RC3H1: variants seen among roughly 807,000 people sequenced by gnomAD.
RC3H1 encodes the protein ring finger and CCCH-type domains 1.
A neutral mutation model predicts 138.2 loss-of-function variants in RC3H1; 50 were observed. That is an observed-to-expected ratio of 0.36 (90% CI 0.29 to 0.46). The LOEUF (loss-of-function observed/expected upper bound fraction) is 0.46. Among genes scored for constraint, RC3H1 ranks in the 20% least tolerant of loss-of-function variants. The probability of loss-of-function intolerance (pLI) is 1.00; values close to 1 mark genes in which losing one functional copy is unlikely to be tolerated. For synonymous variants in RC3H1, 462 were observed against 489.1 expected (o/e 0.94, Z 0.73); for missense variants, 1,031 against 1,388.1 (o/e 0.74, Z 4.09).
At chr1:173,950,315 C>T (rs1357928130) in intron 14 of RC3H1, among the ~76,000 whole-genome samples, 3 of 150,462 alleles carry the variant, frequency 2.0e-5, no homozygotes, top group Admixed American at 6.7e-5. Context: ...CATACTGGCA[C>T]ACATCTGTAA....
At position 173,992,752 on chromosome 1, in the gene RC3H1, T is replaced by C. The variant is rs1207642434; in HGVS notation, c.231+3A>G. On this transcript the variant is annotated splice_donor_region_variant and intron_variant, in intron 2 of 19. Coordinates refer to ENST00000367696, the MANE Select transcript of RC3H1 (RefSeq NM_172071.4). ...TTTAAAAGTATTAAGTCACCCATCC[T>C]ACCTGAGCACCCACGAGCTGCAGCA... The C allele has an allele frequency of 6.2e-7, 1 of 1,608,132 alleles. No homozygotes were observed. The highest frequency in any genetic ancestry group is 8.5e-7 in the Non-Finnish European group (1 of 1,175,064).
intron 1 of RC3H1, among the ~76,000 whole-genome samples, chr1:174,007,751 T>A (rs1413530417): frequency 1.3e-5 from 2 of 152,162 alleles, no homozygotes; most frequent in Non-Finnish European, 2.9e-5. Context: ...AGCCACCGCG[T>A]CCGGCCCACA....
Position 173,993,005 on chromosome 1 carries a change from C to G in RC3H1, c.-20G>C, listed in dbSNP as rs1452129518. 7 of 1,531,112 alleles carry G rather than the reference C, an allele frequency of 4.6e-6. No homozygotes were observed. Among genetic ancestry groups the G allele is most frequent in the Non-Finnish European group, 6.3e-6 (7 of 1,105,294 alleles). 94.8% of individuals were successfully genotyped at this position (1,531,112 alleles called of 1,614,324 possible). ...AGGCATTGCTTCTGGAGTTACAATTCACGAACACAAACACACACACAAATC... is the reference window on the plus strand; with the variant it reads ...AGGCATTGCTTCTGGAGTTACAATTGACGAACACAAACACACACACAAATC... On this transcript the variant is annotated 5_prime_UTR_variant, in exon 2 of 20. Transcript: ENST00000367696.
intron 9 of RC3H1, among the ~76,000 whole-genome samples, chr1:173,968,793 TTATAA>T (rs1333052601): frequency 5.9e-5 from 9 of 152,194 alleles, no homozygotes; most frequent in East Asian, 5.8e-4. Flanking sequence ...GGCTTCTGAT[TTATAA>T]TATAATTTAT....
chr1:173,976,054 T>C (rs1419114020), intron 7 of RC3H1, among the ~76,000 whole-genome samples: 2 of 151,200 alleles, frequency 1.3e-5, no homozygotes, highest in African/African-American at 4.8e-5. Flanking sequence ...GATATGAAGA[T>C]GAGAAAGCAG....
At chr1:174,015,021 C>G (rs1661834187) in intron 1 of RC3H1, among the ~76,000 whole-genome samples, 1 of 152,150 alleles carries the variant, frequency 6.6e-6, no homozygotes, top group African/African-American at 2.4e-5. Flanking sequence ...ACTGCTGTCC[C>G]TATTTTAAAC....
At chr1:173,942,064 C>A (rs1658895190) in intron 18 of RC3H1, among the ~76,000 whole-genome samples, 3 of 151,100 alleles carry the variant, frequency 2.0e-5, no homozygotes, top group Admixed American at 2.0e-4. Context: ...CAAGGCGAAA[C>A]CCCGTCTCTA....
At chr1:174,007,472 G>T (rs1661676072) in intron 1 of RC3H1, among the ~76,000 whole-genome samples, 1 of 151,862 alleles carries the variant, frequency 6.6e-6, no homozygotes, top group Admixed American at 6.6e-5. Context: ...TTTTGTTGTT[G>T]TTGTTATTTG....
At chr1:173,972,434 AC>A (rs2102974012) in intron 8 of RC3H1, 74 bp downstream of exon 8, 1 of 954,440 alleles carries the variant, frequency 1.0e-6, no homozygotes, top group South Asian at 1.4e-5. Context: ...CTGTAGGTAT[AC>A]CCACAGTGGT....
chr1:173,953,411 A>G (rs1234979923), intron 13 of RC3H1, among the ~76,000 whole-genome samples: 1 of 152,006 alleles, frequency 6.6e-6, no homozygotes, highest in Non-Finnish European at 1.5e-5. Flanking sequence ...ATCTGGGATT[A>G]CAGGTGCATA....
chr1:173,961,641 G>A, intron 12 of RC3H1, 84 bp downstream of exon 12: 1 of 1,254,662 alleles, frequency 8.0e-7, no homozygotes, highest in East Asian at 2.3e-5. Flanking sequence ...TCATCAAAGG[G>A]TTATTGTCAT....
intron 17 of RC3H1, 150 bp downstream of exon 17, chr1:173,946,326 C>G: frequency 3.7e-6 from 2 of 535,032 alleles, no homozygotes; most frequent in Non-Finnish European, 6.1e-6. Context: ...GAGCTAAATC[C>G]AGTATTGAAT....
intron 2 of RC3H1, among the ~76,000 whole-genome samples, chr1:173,989,993 T>C (rs1389171119): frequency 1.3e-5 from 2 of 152,040 alleles, no homozygotes; most frequent in African/African-American, 2.4e-5. Flanking sequence ...CCCAAAGTGC[T>C]GGGATTACAG....
intron 18 of RC3H1, 38 bp downstream of exon 18, chr1:173,943,404 A>T: frequency 1.2e-5 from 18 of 1,517,156 alleles, no homozygotes; most frequent in East Asian, 2.3e-5. Flanking sequence ...GAAAGATTTC[A>T]TTTCACCTTC....
intron 6 of RC3H1, among the ~76,000 whole-genome samples, chr1:173,980,279 G>T (rs913920923): frequency 5.3e-5 from 8 of 149,796 alleles, no homozygotes; most frequent in Admixed American, 1.3e-4. Flanking sequence ...AAAAAAAGGT[G>T]GGGGGGAATA....
rs1661623507 is a variant in RC3H1, at chr1:174,004,723, C to T, written c.-150-11588G>A. ...ATCCCAGCTACTAGGGAGGCTGAGGCAGGAGAATTGCTTGAACCCAGGAGG... is the reference window on the plus strand; with the variant it reads ...ATCCCAGCTACTAGGGAGGCTGAGGTAGGAGAATTGCTTGAACCCAGGAGG... On this transcript the variant is annotated intron_variant, in intron 1 of 19. Coordinates refer to ENST00000367696, the MANE Select transcript of RC3H1 (RefSeq NM_172071.4). 1.3e-5 allele frequency among the ~76,000 whole-genome samples: 2 copies of T among 151,370 alleles called. 1 individual carries two copies. The highest frequency in any genetic ancestry group is 1.3e-4 in the Admixed American group (2 of 15,218).
At chr1:173,982,053 T>C (rs1660843928) in intron 5 of RC3H1, among the ~76,000 whole-genome samples, 2 of 152,220 alleles carry the variant, frequency 1.3e-5, no homozygotes, top group South Asian at 4.1e-4. Context: ...CATTATTGTA[T>C]ATGTGGAATT....
intron 13 of RC3H1, among the ~76,000 whole-genome samples, chr1:173,958,861 A>G (rs1208781970): frequency 6.8e-6 from 1 of 146,384 alleles, no homozygotes; most frequent in South Asian, 2.1e-4. Flanking sequence ...GTTTTTTCCT[A>G]TTCATTAAAC....
intron 1 of RC3H1, among the ~76,000 whole-genome samples, chr1:174,004,651 C>CAAAAAAAAA (rs5778791): frequency 2.7e-5 from 3 of 111,296 alleles, no homozygotes; most frequent in Admixed American, 9.8e-5. Context: ...ACTAAAAATA[C>CAAAAAAAAA]AAAAAAAAAA....
Sources: allele counts gnomAD v4.1 joint callset (sites outside exome capture counted in the v4.1 genomes callset), GRCh38; gene constraint gnomAD v4.1.1; transcripts MANE v1.5; gene names NCBI Gene and HGNC (gene_info 2026-07-23, HGNC 2026-07-21).